The following BSPRY variants were observed in gnomAD, a reference collection of about 807,000 sequenced individuals.
BSPRY encodes the protein B-box and SPRY domain containing, also known as B box and SPRY domain-containing protein.
In BSPRY, 33 loss-of-function variants were observed where a neutral mutation model predicts 38.0. The ratio of observed to expected loss-of-function variants is 0.87; its 90% CI spans 0.66 to 1.16. The LOEUF (loss-of-function observed/expected upper bound fraction) is 1.16, where lower values mean the gene tolerates loss of function less well. Ranked by LOEUF, BSPRY falls within the 50% of genes most tolerant of loss-of-function variation. The pLI, the probability that BSPRY is intolerant of heterozygous loss-of-function variation, is 0.00. For synonymous variants in BSPRY, 224 were observed against 228.5 expected (o/e 0.98, Z 0.18); for missense variants, 523 against 533.2 (o/e 0.98, Z 0.19).
chr9:113,365,699 A>C (rs7031690), intron 4 of BSPRY, among the ~76,000 whole-genome samples: 3 of 151,220 alleles, frequency 2.0e-5, no homozygotes, highest in South Asian at 2.1e-4. Flanking sequence ...CTCACTCAGC[A>C]TATAGCAGAT....
Position 113,368,367 on chromosome 9 carries a change from T to C in BSPRY, c.666T>C (p.Val222=). 6.2e-7 allele frequency: 1 copy of C among 1,613,670 alleles called. No individual in the cohort carries two copies. The highest frequency in any genetic ancestry group is 8.5e-7 in the Non-Finnish European group (1 of 1,179,614). ...PLLTQLWATA[V]LGSLSGTEDI... ...TGACCCAACTCTGGGCAACGGCGGT[T>C]CTTGGGTCTCTCTCAGGTTAGGAGC... Residue 222 remains valine (V), a synonymous_variant, in exon 5 of 6, where the codon GTT becomes GTC. Transcript: ENST00000374183.
chr9:113,363,494 C>G (rs951912304), intron 4 of BSPRY, among the ~76,000 whole-genome samples: 4 of 152,064 alleles, frequency 2.6e-5, no homozygotes, highest in Admixed American at 6.6e-5. Flanking sequence ...CTTTCCCAAT[C>G]CTATTCCCTG....
intron 3 of BSPRY, among the ~76,000 whole-genome samples, chr9:113,362,011 A>T (rs1834160737): frequency 6.6e-6 from 1 of 152,252 alleles, no homozygotes; most frequent in African/African-American, 2.4e-5. Flanking sequence ...ACACTGGGAC[A>T]GTCACAATAG....
Position 113,370,136 on chromosome 9 carries a change from C to T in BSPRY, c.1203C>T (p.Val401=). The T allele has an allele frequency of 1.3e-6, 2 of 1,558,600 alleles. No individual in the cohort carries two copies. The highest frequency in any genetic ancestry group is 8.7e-7 in the Non-Finnish European group (1 of 1,152,678). Residue 401 remains valine (V), a synonymous_variant, in exon 6 of 6, where the codon GTC becomes GTT. Transcript: ENST00000374183. The surrounding 1 kb of genome is among the most constrained non-coding windows in gnomAD (Gnocchi z 4.8). The part of the protein sequence containing the change: ...FAVADQTISI[V]R ...TGGCCGATCAGACCATTTCTATCGT[C>T]CGCTGACCTCTGGCCACAGGAAGCC...
chr9:113,367,261 C>G (rs1834267094), intron 4 of BSPRY, among the ~76,000 whole-genome samples: 1 of 152,156 alleles, frequency 6.6e-6, no homozygotes, highest in Admixed American at 6.5e-5. Flanking sequence ...GTAGAGAAAA[C>G]AGCAAACCCA....
chr9:113,365,180 A>G (rs1310275144), intron 4 of BSPRY, among the ~76,000 whole-genome samples: 1 of 152,190 alleles, frequency 6.6e-6, no homozygotes, highest in Admixed American at 6.5e-5. Context: ...AGGTTTCCTC[A>G]TTATAAAGTT....
At chr9:113,357,937 T>G (rs1834089121) in intron 2 of BSPRY, among the ~76,000 whole-genome samples, 1 of 86,914 alleles carries the variant, frequency 1.2e-5, no homozygotes, top group Non-Finnish European at 2.1e-5. Context: ...TATATATATA[T>G]ATATATCTCT....
chr9:113,357,951 A>T (rs1588063598), intron 2 of BSPRY, among the ~76,000 whole-genome samples: 5 of 130,038 alleles, frequency 3.8e-5, no homozygotes, highest in African/African-American at 5.8e-5. Flanking sequence ...TATCTCTATT[A>T]AGCTTATTCA....
chr9:113,354,212 G>A (rs757276879), intron 1 of BSPRY, 28 bp from the exon 2 acceptor site: 1 of 1,595,042 alleles, frequency 6.3e-7, no homozygotes, highest in South Asian at 1.1e-5. Flanking sequence ...CATGGACCAA[G>A]ATGCCACAAG....
Position 113,360,804 on chromosome 9 carries a change from A to C in BSPRY, c.531+67A>C, listed in dbSNP as rs183829203. On this transcript the variant is annotated intron_variant, in intron 3 of 5. Coordinates refer to ENST00000374183, the MANE Select transcript of BSPRY (RefSeq NM_017688.3). ...TCCCCAAAAGCCTGAAAATATCGAG[A>C]ATGTTTGTCGGTATGAGGAGGGTGG... 4 of 1,324,082 alleles carry C rather than the reference A, an allele frequency of 3.0e-6. No homozygotes were observed. The African/African-American group carries it at 5.8e-5, about 19-fold the overall frequency. The allele number at this position is 1,324,082 out of a possible 1,614,324, so 82.0% of individuals were successfully genotyped here.
In BSPRY at chr9:113,360,562, G is replaced by A; in HGVS notation, c.356G>A (p.Ser119Asn). The A allele has an allele frequency of 6.2e-7, 1 of 1,607,974 alleles. No homozygotes were observed. Among genetic ancestry groups the A allele is most frequent in the Non-Finnish European group, 8.5e-7 (1 of 1,178,530 alleles). ...LVIQRLSLVR[S>N]LCESEEQRLL... ...ATCCAGCGGTTGAGTCTGGTGAGGA[G>A]TCTTTGCGAGAGCGAGGAGCAGCGG... The change falls in exon 3 of 6, where the codon AGT (serine) becomes AAT (asparagine). Residue 119 changes from serine (S) to asparagine (N), a missense_variant. By Grantham distance (46) the Ser-to-Asn change is conservative (BLOSUM62 1). Coordinates refer to ENST00000374183, the MANE Select transcript of BSPRY (RefSeq NM_017688.3).
chr9:113,362,175 GT>G (rs1466438448), intron 3 of BSPRY, among the ~76,000 whole-genome samples, 193 bp from the exon 4 acceptor site: 446 of 40,928 alleles, frequency 0.011, 2 homozygotes, highest in African/African-American at 0.039. Flanking sequence ...TGTGTTATGG[GT>G]GTGTGTGTGT....
intron 2 of BSPRY, among the ~76,000 whole-genome samples, chr9:113,356,776 G>A (rs1408177076): frequency 6.6e-6 from 1 of 152,172 alleles, no homozygotes; most frequent in Non-Finnish European, 1.5e-5. Context: ...TTTTATTTGA[G>A]CAACTGGCAG....
At chr9:113,367,289 C>A (rs899694381) in intron 4 of BSPRY, among the ~76,000 whole-genome samples, 3 of 152,162 alleles carry the variant, frequency 2.0e-5, no homozygotes, top group African/African-American at 7.2e-5. Context: ...ACTGCTGATA[C>A]ATGGCAGTTT....
At chr9:113,362,523 GC>G (rs1389100199) in intron 4 of BSPRY, 129 bp downstream of exon 4, 4 of 955,872 alleles carry the variant, frequency 4.2e-6, no homozygotes, top group African/African-American at 1.6e-5. Flanking sequence ...CTTTTCTGGA[GC>G]CTGGCTCTGT....
Position 113,360,497 on chromosome 9 carries a change from C to T in BSPRY, c.301-10C>T. On this transcript the variant is annotated splice_polypyrimidine_tract_variant and intron_variant, in intron 2 of 5. Coordinates refer to ENST00000374183, the MANE Select transcript of BSPRY (RefSeq NM_017688.3). ...CAGACCACCCAACTCCTCATTTTATCCCTCATTAGAGCATGGCCAGTGCAG... is the reference window on the plus strand; with the variant it reads ...CAGACCACCCAACTCCTCATTTTATTCCTCATTAGAGCATGGCCAGTGCAG... 6.3e-7 allele frequency: 1 copy of T among 1,581,522 alleles called. No individual in the cohort carries two copies.
intron 1 of BSPRY, among the ~76,000 whole-genome samples, chr9:113,351,506 C>T (rs1394341401): frequency 6.6e-6 from 1 of 152,196 alleles, no homozygotes; most frequent in Non-Finnish European, 1.5e-5. Context: ...CTAGTCAACT[C>T]AATTCTGTAA....
intron 4 of BSPRY, 35 bp from the exon 5 acceptor site, chr9:113,368,224 T>C (rs1275424502): frequency 6.2e-7 from 1 of 1,604,572 alleles, no homozygotes; most frequent in Non-Finnish European, 8.5e-7. Context: ...TCCAGAACCA[T>C]CCTGAATCTC....
chr9:113,354,428 A>C, intron 2 of BSPRY, 90 bp downstream of exon 2: 3 of 932,030 alleles, frequency 3.2e-6, no homozygotes, highest in South Asian at 2.9e-5. Flanking sequence ...TCCCTTACCA[A>C]CCTCACAGAC....
Sources: gnomAD v4.1 joint callset for allele counts (sites outside exome capture counted in the v4.1 genomes callset) on GRCh38, gnomAD v4.1.1 for gene constraint, Gnocchi (gnomAD v3.1) non-coding constraint, MANE v1.5 for transcripts, NCBI Gene and HGNC (gene_info 2026-07-23, HGNC 2026-07-21) for gene names.